Variants in SLC35F2 observed in about 807,000 individuals in gnomAD.
SLC35F2 encodes solute carrier family 35 member F2, also known as queuine/queuosine transporter SLC35F2.
Under a neutral mutation model 38.1 loss-of-function variants are expected in SLC35F2, and 25 were observed. That is an observed-to-expected ratio of 0.66 (90% confidence interval 0.48 to 0.92). SLC35F2 has a LOEUF of 0.92. SLC35F2 is among the 40% of genes least tolerant of loss of function. The pLI, the probability that SLC35F2 is intolerant of heterozygous loss-of-function variation, is 0.00. For synonymous variants in SLC35F2, 173 were observed against 181.7 expected (o/e 0.95, Z 0.38); for missense variants, 409 against 452.9 (o/e 0.90, Z 0.88).
intron 1 of SLC35F2, among the ~76,000 whole-genome samples, chr11:107,854,735 C>T (rs1860250886): frequency 6.6e-6 from 1 of 152,112 alleles, no homozygotes; most frequent in African/African-American, 2.4e-5. Flanking sequence ...AGAACATATC[C>T]TCCTCATAAT....
intron 1 of SLC35F2, among the ~76,000 whole-genome samples, chr11:107,845,987 A>ATAAC (rs1555087020): frequency 2.6e-5 from 4 of 151,154 alleles, no homozygotes; most frequent in South Asian, 2.1e-4. Flanking sequence ...AAATAAATAA[A>ATAAC]TAACATAGGC....
chr11:107,832,684 T>C (rs1384192146), intron 1 of SLC35F2, among the ~76,000 whole-genome samples: 2 of 152,112 alleles, frequency 1.3e-5, no homozygotes, highest in South Asian at 2.1e-4. Context: ...CATGCACCTA[T>C]AGTCCCAGCT....
In SLC35F2 at chr11:107,853,562, CAA is replaced by C. The variant is rs535539382; in HGVS notation, c.110+5094_110+5095del. On this transcript the variant is annotated intron_variant, in intron 1 of 7. Transcript: ENST00000525815. ...TGAAACCCCGCCTCTACTAAAAATACAAAAAAAATTAGCCGGGCGTGGTGGTG... is the reference window on the plus strand; with the variant it reads ...TGAAACCCCGCCTCTACTAAAAATACAAAAAATTAGCCGGGCGTGGTGGTG... Among the ~76,000 whole-genome samples, 289 of 150,714 alleles carry C rather than the reference CAA, an allele frequency of 1.9e-3. 1 individual carries two copies. Among genetic ancestry groups the C allele is most frequent in the African/African-American group, 6.8e-3 (278 of 40,994 alleles).
chr11:107,857,394 G>A (rs1860311840), intron 1 of SLC35F2, among the ~76,000 whole-genome samples: 1 of 152,094 alleles, frequency 6.6e-6, no homozygotes, highest in African/African-American at 2.4e-5. Context: ...GGGAACTGGA[G>A]CACAGAGAAC....
intron 3 of SLC35F2, among the ~76,000 whole-genome samples, chr11:107,807,271 CAAAA>C (rs201964530): frequency 4.2e-5 from 3 of 70,906 alleles, no homozygotes; most frequent in South Asian, 1.2e-3. Flanking sequence ...CCTGTCTGTA[CAAAA>C]AAAAAAAAAA....
chr11:107,809,097 G>A (rs1048167091), intron 3 of SLC35F2, among the ~76,000 whole-genome samples: 2 of 152,042 alleles, frequency 1.3e-5, no homozygotes, highest in African/African-American at 4.8e-5. Context: ...AAGATCAGAC[G>A]AAATGATCAC....
intron 2 of SLC35F2, among the ~76,000 whole-genome samples, chr11:107,813,666 CTTCTT>C (rs1859518911): frequency 6.6e-6 from 1 of 152,024 alleles, no homozygotes; most frequent in African/African-American, 2.4e-5. Context: ...ACTCCCAACT[CTTCTT>C]TTTTTTCCTT....
In SLC35F2 at chr11:107,806,719, G is replaced by C; in HGVS notation, c.572C>G (p.Ser191Ter). The C allele has an allele frequency of 1.2e-6, 2 of 1,613,892 alleles. No homozygotes were observed. The highest frequency in any genetic ancestry group is 1.7e-6 in the Non-Finnish European group (2 of 1,179,870). Residue 191 changes from serine to a stop codon, truncating the protein, a stop_gained and splice_region_variant, in exon 4 of 8, where the codon TCA becomes TGA. Transcript: ENST00000525815. LOFTEE classifies it high-confidence loss of function. ...ACAAACATGTGACACCGTCTCACCT[G>C]AATTGTCTTCCCTCCCTGCTAGTAT... Reference protein sequence around the residue: ...ADILAGREDNSGSDVLIGDIL... With the variant: ...ADILAGREDN
At chr11:107,805,284 A>G in intron 5 of SLC35F2, 75 bp downstream of exon 5, 1 of 1,467,756 alleles carries the variant, frequency 6.8e-7, no homozygotes, top group South Asian at 1.4e-5. Flanking sequence ...GGCCAAATAA[A>G]CAATGAATAT....
intron 1 of SLC35F2, among the ~76,000 whole-genome samples, chr11:107,835,075 A>T (rs1859909216): frequency 6.6e-6 from 1 of 152,240 alleles, no homozygotes; most frequent in South Asian, 2.1e-4. Flanking sequence ...CAGAAAATCA[A>T]ACGGGTGCTA....
intron 1 of SLC35F2, among the ~76,000 whole-genome samples, chr11:107,825,441 G>T (rs61248206): frequency 6.7e-6 from 1 of 149,104 alleles, no homozygotes; most frequent in African/African-American, 2.5e-5. Context: ...GCACGATCGC[G>T]GCTCACCGCA....
chr11:107,817,593 A>C (rs1197590005), intron 1 of SLC35F2, among the ~76,000 whole-genome samples: 2 of 152,094 alleles, frequency 1.3e-5, no homozygotes, highest in Non-Finnish European at 2.9e-5. Context: ...CTTAGGTGAA[A>C]GCCACACTTT....
At chr11:107,803,766 T>C (rs1591186615) in intron 6 of SLC35F2, among the ~76,000 whole-genome samples, 2 of 90,952 alleles carry the variant, frequency 2.2e-5, no homozygotes, top group South Asian at 8.1e-4. Flanking sequence ...TTTAATCTCA[T>C]CCCATACTCA....
chr11:107,826,385 C>T (rs915923588), intron 1 of SLC35F2, among the ~76,000 whole-genome samples: 6 of 151,712 alleles, frequency 4.0e-5, no homozygotes, highest in Admixed American at 3.9e-4. Context: ...GCTGGGATTA[C>T]AGGCATGTGC....
At chr11:107,793,520 G>A (rs866472591) in intron 7 of SLC35F2, among the ~76,000 whole-genome samples, 2 of 152,106 alleles carry the variant, frequency 1.3e-5, no homozygotes, top group South Asian at 2.1e-4. Flanking sequence ...AGACTATGAT[G>A]AAATGTGGAA....
chr11:107,852,376 C>G (rs1452277966), intron 1 of SLC35F2, among the ~76,000 whole-genome samples: 1 of 151,828 alleles, frequency 6.6e-6, no homozygotes, highest in South Asian at 2.1e-4. Flanking sequence ...ATGGTGAAAC[C>G]CCGTCTCTAC....
At chr11:107,803,600 TAAAGACATC>T (rs1030702396) in intron 6 of SLC35F2, 9 of 699,822 alleles carry the variant, frequency 1.3e-5, no homozygotes, top group Non-Finnish European at 5.3e-6. Flanking sequence ...AAAGTATCTT[TAAAGACATC>T]AAAGACAGTT....
rs1415494122 is a variant in SLC35F2 at position 107,805,414 on chromosome 11, G to C, written c.676C>G (p.Gln226Glu). ...EEYIVKKLSR[Q>E]EFLGMVGLFG... is the part of the protein sequence containing the mutation. ...AGGCCCACCATTCCTAAAAACTCCT[G>C]TCTGCTCAGCTTCTTCACGATGTAT... Residue 226 changes from glutamine to glutamate, a missense_variant, in exon 5 of 8, where the codon CAG becomes GAG. Physicochemically the swap from Gln to Glu is conservative, Grantham distance 29. Transcript: ENST00000525815. 2 of 1,614,084 alleles carry C rather than the reference G, an allele frequency of 1.2e-6. No individual in the cohort carries two copies. Among genetic ancestry groups the C allele is most frequent in the Non-Finnish European group, 1.7e-6 (2 of 1,180,002 alleles).
In SLC35F2 at chr11:107,805,354, C is replaced by T. The variant is rs1349010944; in HGVS notation, c.731+5G>A. On this transcript the variant is annotated splice_donor_5th_base_variant and intron_variant, in intron 5 of 7. Coordinates refer to ENST00000525815, the MANE Select transcript of SLC35F2 (RefSeq NM_017515.5). ...TGTCTTTAGAAAAAAATTGTAGAAT[C>T]TTACAGCTGTATACCACTGATAATT... 1.3e-6 allele frequency: 2 copies of T among 1,595,782 alleles called. No individual in the cohort carries two copies. The highest frequency in any genetic ancestry group is 1.7e-6 in the Non-Finnish European group (2 of 1,175,448).
Sources: gnomAD v4.1 joint callset for allele counts (sites outside exome capture counted in the v4.1 genomes callset) on GRCh38, gnomAD v4.1.1 for gene constraint, MANE v1.5 for transcripts, NCBI Gene and HGNC (gene_info 2026-07-23, HGNC 2026-07-21) for gene names.